Variants in ALG9 observed in about 807,000 individuals in gnomAD.
The protein encoded by ALG9 is ALG9 alpha-1,2-mannosyltransferase.
A neutral mutation model predicts 81.8 loss-of-function variants in ALG9; 55 were observed. The ratio of observed to expected loss-of-function variants is 0.67; its 90% CI spans 0.54 to 0.84. The LOEUF (loss-of-function observed/expected upper bound fraction) is 0.84, where lower values mean the gene tolerates loss of function less well. ALG9 is among the 40% of genes least tolerant of loss of function. The probability of loss-of-function intolerance (pLI) is 0.00; values close to 1 mark genes in which losing one functional copy is unlikely to be tolerated. For missense variants in ALG9, 629 were observed against 745.0 expected (o/e 0.84, Z 1.81); for synonymous variants, 278 against 274.3 (o/e 1.01, Z -0.13).
At chr11:111,841,297 T>C (rs1397879392) in intron 9 of ALG9, among the ~76,000 whole-genome samples, 1 of 152,210 alleles carries the variant, frequency 6.6e-6, no homozygotes, top group African/African-American at 2.4e-5. Context: ...AACAAAATTG[T>C]TGGATTCTCA....
intron 12 of ALG9, 40 bp downstream of exon 12, chr11:111,837,428 C>T: frequency 6.2e-7 from 1 of 1,611,438 alleles, no homozygotes; most frequent in East Asian, 2.2e-5. Flanking sequence ...GCTCTATTTA[C>T]TCCTTCATTT....
intron 5 of ALG9, among the ~76,000 whole-genome samples, chr11:111,860,142 T>A (rs988149195): frequency 2.0e-4 from 30 of 152,328 alleles, no homozygotes; most frequent in East Asian, 5.8e-4. Flanking sequence ...ATAACTTCTT[T>A]AAACAAAATA....
intron 9 of ALG9, among the ~76,000 whole-genome samples, chr11:111,843,763 A>G (rs1323506886): frequency 6.6e-6 from 1 of 152,254 alleles, no homozygotes; most frequent in Non-Finnish European, 1.5e-5. Context: ...CAAGCAAAGC[A>G]AACGACAAAC....
chr11:111,861,658 G>A (rs1042569570), intron 4 of ALG9, among the ~76,000 whole-genome samples: 1 of 152,124 alleles, frequency 6.6e-6, no homozygotes, highest in Non-Finnish European at 1.5e-5. Context: ...ATTTTTTGTA[G>A]AGATGAGGTC....
intron 4 of ALG9, among the ~76,000 whole-genome samples, chr11:111,862,099 CT>C (rs1450703767): frequency 6.6e-6 from 1 of 152,080 alleles, no homozygotes; most frequent in Non-Finnish European, 1.5e-5. Context: ...GGATTAGCAT[CT>C]TTTTTTCCCA....
downstream of ALG9, among the ~76,000 whole-genome samples, chr11:111,781,493 T>A (rs1945936880): frequency 6.6e-6 from 1 of 152,176 alleles, no homozygotes; most frequent in South Asian, 2.1e-4. Flanking sequence ...GGAAATTACC[T>A]AAGTGTTAGA....
rs782114013 is a variant in ALG9, at chr11:111,850,706, C to CAAA, written c.895+2671_895+2673dup. Reference sequence around the variant, plus strand: ...CGGGTGACAGAGCGAGATACTGTCTCAAAAAAAAAAAAAAAAAATCAGACA... The same window carrying CAAA: ...CGGGTGACAGAGCGAGATACTGTCTCAAAAAAAAAAAAAAAAAAAAATCAGACA... On this transcript the variant is annotated intron_variant, in intron 8 of 14. Transcript: ENST00000616540. Among the ~76,000 whole-genome samples, 251 of 66,682 alleles carry CAAA rather than the reference C, an allele frequency of 3.8e-3. 21 individuals are homozygous for CAAA. Among genetic ancestry groups the CAAA allele is most frequent in the African/African-American group, 0.015 (168 of 10,858 alleles). 43.7% of individuals were successfully genotyped at this position (66,682 alleles called of 152,430 possible). A position where few individuals can be genotyped will look rare whatever the true frequency, so the allele number is the denominator to read the frequency against.
chr11:111,806,316 C>T (rs1213060704), intron 14 of ALG9, among the ~76,000 whole-genome samples: 10 of 152,148 alleles, frequency 6.6e-5, no homozygotes. Flanking sequence ...CTACTATTCT[C>T]ACTTCAACCT....
At chr11:111,775,359 G>GA in the ALG9 span, among the ~76,000 whole-genome samples, 1 of 152,134 alleles carries the variant, frequency 6.6e-6, no homozygotes, top group Admixed American at 6.5e-5. Flanking sequence ...CCCTGGACAC[G>GA]AAAGTCACAT....
intron 13 of ALG9, among the ~76,000 whole-genome samples, chr11:111,826,420 A>G (rs1300394897): frequency 6.6e-6 from 1 of 151,694 alleles, no homozygotes. Context: ...AAAACTTAGT[A>G]CAAGAAGCTT....
At chr11:111,822,549 A>G (rs959930738) in intron 13 of ALG9, among the ~76,000 whole-genome samples, 13 of 151,742 alleles carry the variant, frequency 8.6e-5, no homozygotes, top group Non-Finnish European at 1.9e-4. Context: ...TCGTCTCTAC[A>G]AAAAATACAA....
rs553152510 is a variant in ALG9 at position 111,824,520 on chromosome 11, C to CT, written c.1602+11644dup. On this transcript the variant is annotated intron_variant, in intron 13 of 14. Coordinates refer to ENST00000616540, the MANE Select transcript of ALG9 (RefSeq NM_024740.2). ...TGATGGACAATATCAGATGTATAAA[C>CT]TTTGAGTGGCATTCAGCCAATAGAA... Among the ~76,000 whole-genome samples the CT allele has an allele frequency of 1.0e-3, 153 of 152,258 alleles. 1 individual carries two copies. Among genetic ancestry groups the CT allele is most frequent in the African/African-American group, 3.5e-3 (146 of 41,532 alleles).
At chr11:111,826,928 T>C (rs1010766956) in intron 13 of ALG9, among the ~76,000 whole-genome samples, 2 of 152,174 alleles carry the variant, frequency 1.3e-5, no homozygotes, top group East Asian at 3.8e-4. Context: ...GTCTGGAAGA[T>C]TTCTTCAAAC....
chr11:111,820,560 C>T (rs1473200784), intron 13 of ALG9, among the ~76,000 whole-genome samples: 1 of 152,182 alleles, frequency 6.6e-6, no homozygotes, highest in Non-Finnish European at 1.5e-5. Context: ...GTGCCACCTC[C>T]TAACACTGAC....
chr11:111,858,784 GT>G (rs1337341000), intron 5 of ALG9, among the ~76,000 whole-genome samples: 3 of 152,188 alleles, frequency 2.0e-5, no homozygotes, highest in Admixed American at 2.0e-4. Context: ...AGGCAGTGAG[GT>G]TTTTTTAAAC....
chr11:111,871,159 G>A (rs1179322457), intron 1 of ALG9, 193 bp downstream of exon 1: 4 of 1,290,606 alleles, frequency 3.1e-6, no homozygotes, highest in Non-Finnish European at 3.9e-6. Flanking sequence ...GCAGTGGAGG[G>A]ATCTAAGGTG....
Position 111,838,295 on chromosome 11 carries a change from G to A in ALG9, c.1278C>T (p.Phe426=). The A allele has an allele frequency of 6.2e-7, 1 of 1,614,178 alleles. No individual in the cohort carries two copies. Among genetic ancestry groups the A allele is most frequent in the Non-Finnish European group, 8.5e-7 (1 of 1,180,028 alleles). ...GAGAAAATGACAAGAGCCCAAACAG[G>A]AAGACAGTTCCTAATGCCAGCCAAT... is the stretch of plus-strand genomic sequence containing the variant. ...TSNWLALGTV[F]LFGLLSFSRS... is the part of the protein sequence containing the mutation. Residue 426 remains phenylalanine (F), a synonymous_variant, in exon 11 of 15, where the codon TTC becomes TTT. Coordinates refer to ENST00000616540, the MANE Select transcript of ALG9 (RefSeq NM_024740.2).
chr11:111,852,350 G>C (rs1353663279), intron 8 of ALG9, among the ~76,000 whole-genome samples: 2 of 152,298 alleles, frequency 1.3e-5, no homozygotes, highest in African/African-American at 4.8e-5. Context: ...CCCCATTACT[G>C]TAACTAACGC....
chr11:111,841,575 A>G (rs1166035784), intron 9 of ALG9, among the ~76,000 whole-genome samples: 1 of 152,234 alleles, frequency 6.6e-6, no homozygotes, highest in Non-Finnish European at 1.5e-5. Context: ...CCCACAGTGA[A>G]GGCATCTCCT....
Sources: gnomAD v4.1 joint callset for allele counts (sites outside exome capture counted in the v4.1 genomes callset) on GRCh38, gnomAD v4.1.1 for gene constraint, MANE v1.5 for transcripts, NCBI Gene and HGNC (gene_info 2026-07-23, HGNC 2026-07-21) for gene names.